The following TRIM69 variants were observed in gnomAD, a reference collection of about 807,000 sequenced individuals.
The protein encoded by TRIM69 is tripartite motif containing 69.
A neutral mutation model predicts 37.7 loss-of-function variants in TRIM69; 29 were observed. That is an observed-to-expected ratio of 0.77 (90% CI 0.57 to 1.05). TRIM69 has a LOEUF of 1.05. TRIM69 is among the 50% of genes least tolerant of loss of function. The probability of loss-of-function intolerance (pLI) is 0.00; values close to 1 mark genes in which losing one functional copy is unlikely to be tolerated. For missense variants in TRIM69, 596 were observed against 579.9 expected (o/e 1.03, Z -0.28); for synonymous variants, 209 against 212.4 (o/e 0.98, Z 0.14).
Position 44,753,693 on chromosome 15 carries a change from G to C in TRIM69, c.7-1207G>C, listed in dbSNP as rs540130776. Reference sequence around the variant, plus strand: ...GGATGTAAAATTTCATCATATTTTGGAAGTTTTCAGCCATTACTTTTTCAA... The same window carrying C: ...GGATGTAAAATTTCATCATATTTTGCAAGTTTTCAGCCATTACTTTTTCAA... On this transcript the variant is annotated intron_variant, in intron 1 of 6. Transcript: ENST00000329464. 3.3e-5 allele frequency: 5 copies of C among 152,088 alleles called. No individual in the cohort carries two copies. The East Asian group carries it at 9.7e-4, about 29-fold the overall frequency. The allele number at this position is 152,088 out of a possible 1,614,324, so 9.4% of individuals were successfully genotyped here.
At chr15:44,743,159 C>T (rs574330955) in intron 1 of TRIM69, among the ~76,000 whole-genome samples, 6 of 152,162 alleles carry the variant, frequency 3.9e-5, no homozygotes, top group East Asian at 1.9e-4. Context: ...GAAATAATGC[C>T]GCATATCTAC....
Position 44,752,626 on chromosome 15 carries a change from A to G in TRIM69, c.7-2274A>G, listed in dbSNP as rs759762170. ...AAGTTAATCTATTTCGTCTAAAGTA[A>G]TTACTGATAAAGACTTACCTATGCC... On this transcript the variant is annotated intron_variant, in intron 1 of 6. Transcript: ENST00000329464. Among the ~76,000 whole-genome samples the G allele has an allele frequency of 1.6e-4, 24 of 152,272 alleles. No individual in the cohort carries two copies. In the Middle Eastern group the frequency reaches 0.014, roughly 87 times the overall value.
chr15:44,739,305 G>C (rs1302940655), intron 1 of TRIM69, among the ~76,000 whole-genome samples: 2 of 152,242 alleles, frequency 1.3e-5, no homozygotes, highest in African/African-American at 2.4e-5. Context: ...GAGCGATGCA[G>C]AAGACGGGTG....
At chr15:44,757,850 T>G (rs575698699) in intron 3 of TRIM69, 2 of 152,200 alleles carry the variant, frequency 1.3e-5, no homozygotes, top group South Asian at 4.1e-4. Flanking sequence ...AAGACTATCT[T>G]AAGGTGCAAT....
intron 1 of TRIM69, among the ~76,000 whole-genome samples, chr15:44,750,554 C>T (rs2087497239): frequency 6.6e-6 from 1 of 151,952 alleles, no homozygotes. Flanking sequence ...TTCTTATAAT[C>T]CTTTTTTATT....
chr15:44,767,790 C>A lies in TRIM69; in HGVS notation c.*18C>A. Reference sequence around the variant, plus strand: ...CACAGTAATGAGTCATAATATTATACAAATTCAGAGTGTTATTAAAGAGGT... The same window carrying A: ...CACAGTAATGAGTCATAATATTATAAAAATTCAGAGTGTTATTAAAGAGGT... On this transcript the variant is annotated 3_prime_UTR_variant, in exon 7 of 7. Coordinates refer to ENST00000329464, the MANE Select transcript of TRIM69 (RefSeq NM_182985.5). 2 of 1,583,686 alleles carry A rather than the reference C, an allele frequency of 1.3e-6. No individual in the cohort carries two copies. The highest frequency in any genetic ancestry group is 1.1e-5 in the South Asian group (1 of 88,040).
At chr15:44,756,320 C>T in intron 2 of TRIM69, 48 bp from the exon 3 acceptor site, 1 of 1,335,932 alleles carries the variant, frequency 7.5e-7, no homozygotes, top group Non-Finnish European at 1.0e-6. Flanking sequence ...CCTTTATGGT[C>T]CTTCATCTCC....
rs935397473 is a variant in TRIM69, at chr15:44,751,240, C to T, written c.7-3660C>T. ...AAGCAATTCTCCTGCCTCAGCCTCC[C>T]GAGTAGCTGGGATTACAGGTGCTCG... On this transcript the variant is annotated intron_variant, in intron 1 of 6. Transcript: ENST00000329464. Among the ~76,000 whole-genome samples the T allele has an allele frequency of 3.9e-5, 6 of 151,978 alleles. No individual in the cohort carries two copies. In the South Asian group the frequency reaches 6.2e-4, roughly 16 times the overall value.
chr15:44,761,543 CA>C (rs1022759584), intron 6 of TRIM69, among the ~76,000 whole-genome samples: 1 of 152,192 alleles, frequency 6.6e-6, no homozygotes, highest in African/African-American at 2.4e-5. Flanking sequence ...CAACTCACTG[CA>C]ACCTCTGCCT....
At chr15:44,757,717 T>C (rs530180886) in intron 3 of TRIM69, 1 of 152,260 alleles carries the variant, frequency 6.6e-6, no homozygotes, top group East Asian at 1.9e-4. Context: ...TGGCTAATTA[T>C]TTTATTTTTG....
chr15:44,767,681 C>T lies in TRIM69; in HGVS notation c.1412C>T (p.Thr471Ile). The change falls in exon 7 of 7, where the codon ACT becomes ATT. Residue 471 changes from threonine (T) to isoleucine (I), a missense_variant. Transcript: ENST00000329464. The stretch of plus-strand genomic sequence containing the variant: ...ACTCACATTTACACCTTCAGTAACA[C>T]TTTCATGGAGAAACTTTATCCCTAC... ...TMTHIYTFSNTFMEKLYPYFC... is the reference protein window; with the variant it reads ...TMTHIYTFSNIFMEKLYPYFC... The T allele has an allele frequency of 6.2e-7, 1 of 1,614,176 alleles. No homozygotes were observed. Among genetic ancestry groups the T allele is most frequent in the Admixed American group, 1.7e-5 (1 of 60,028 alleles).
chr15:44,764,054 ACT>A (rs2087837479), intron 6 of TRIM69, among the ~76,000 whole-genome samples: 1 of 152,096 alleles, frequency 6.6e-6, no homozygotes, highest in African/African-American at 2.4e-5. Context: ...GCAGATTAGT[ACT>A]CAGCCACAGC....
At chr15:44,741,779 T>C (rs2087292104) in intron 1 of TRIM69, among the ~76,000 whole-genome samples, 1 of 152,182 alleles carries the variant, frequency 6.6e-6, no homozygotes, top group Non-Finnish European at 1.5e-5. Context: ...AGAAGTTGAA[T>C]CTCTGAATAG....
intron 3 of TRIM69, 59 bp from the exon 4 acceptor site, chr15:44,758,562 C>G (rs1369175350): frequency 6.3e-7 from 1 of 1,594,870 alleles, no homozygotes; most frequent in East Asian, 2.2e-5. Flanking sequence ...TGGTGTGGGC[C>G]CCCATCCCCA....
chr15:44,758,860 A>G lies in TRIM69; in HGVS notation c.813+6A>G. ...ACTCCTTCGACTTTCTCAAAGTGAG[A>G]ATCCACACCAATATGATTATGGGTA... On this transcript the variant is annotated splice_donor_region_variant and intron_variant, in intron 4 of 6. Coordinates refer to ENST00000329464, the MANE Select transcript of TRIM69 (RefSeq NM_182985.5). 6.2e-7 allele frequency: 1 copy of G among 1,607,440 alleles called. No homozygotes were observed. Among genetic ancestry groups the G allele is most frequent in the South Asian group, 1.1e-5 (1 of 89,832 alleles).
In TRIM69 at chr15:44,767,785, T is replaced by C. The variant is rs2087935898; in HGVS notation, c.*13T>C. Reference sequence around the variant, plus strand: ...ACATCCACAGTAATGAGTCATAATATTATACAAATTCAGAGTGTTATTAAA... The same window carrying C: ...ACATCCACAGTAATGAGTCATAATACTATACAAATTCAGAGTGTTATTAAA... On this transcript the variant is annotated 3_prime_UTR_variant, in exon 7 of 7. Coordinates refer to ENST00000329464, the MANE Select transcript of TRIM69 (RefSeq NM_182985.5). 1.9e-6 allele frequency: 3 copies of C among 1,590,890 alleles called. No homozygotes were observed. The highest frequency in any genetic ancestry group is 2.7e-5 in the African/African-American group (2 of 74,282).
rs1352960105 is a variant in TRIM69, at chr15:44,760,918, A to G, written c.961+1046A>G. 5.3e-5 allele frequency among the ~76,000 whole-genome samples: 8 copies of G among 150,776 alleles called. No homozygotes were observed. The East Asian group carries it at 1.6e-3, about 29-fold the overall frequency. On this transcript the variant is annotated intron_variant, in intron 6 of 6. Transcript: ENST00000329464. ...TGTCTTCTGGTTTTTTTCACTTAGC[A>G]TAATTTTTTTTTTTTTTGAGATGGA...
chr15:44,750,692 G>A (rs924054963), intron 1 of TRIM69, among the ~76,000 whole-genome samples: 6 of 142,902 alleles, frequency 4.2e-5, no homozygotes, highest in Admixed American at 1.4e-4. Context: ...CCAAAGAATC[G>A]CATTTTTATT....
At chr15:44,766,065 A>T (rs538561433) in intron 6 of TRIM69, among the ~76,000 whole-genome samples, 19 of 152,302 alleles carry the variant, frequency 1.2e-4, no homozygotes, top group Middle Eastern at 3.4e-3. Flanking sequence ...TTGTAAAATT[A>T]TCTGTGATGA....
Sources: allele counts gnomAD v4.1 joint callset (sites outside exome capture counted in the v4.1 genomes callset), GRCh38; gene constraint gnomAD v4.1.1; transcripts MANE v1.5; gene names NCBI Gene and HGNC (gene_info 2026-07-23, HGNC 2026-07-21).